Variants in ZC3H13 observed in about 807,000 individuals in gnomAD.
ZC3H13 encodes the protein zinc finger CCCH-type containing 13.
In ZC3H13, 64 loss-of-function variants were observed where a neutral mutation model predicts 204.1. That is an observed-to-expected ratio of 0.31 (90% CI 0.26 to 0.39). The LOEUF (loss-of-function observed/expected upper bound fraction) is 0.39. Among genes scored for constraint, ZC3H13 ranks in the 10% least tolerant of loss-of-function variants. The pLI is 1.00. For missense variants in ZC3H13, 1,833 were observed against 2,082.7 expected, an observed-to-expected ratio of 0.88 and a Z score of 2.33; for synonymous variants, 667 against 693.7, an observed-to-expected ratio of 0.96 and a Z score of 0.60.
intron 8 of ZC3H13, among the ~76,000 whole-genome samples, chr13:46,002,390 A>G (rs2040813412): frequency 2.0e-5 from 3 of 152,190 alleles, no homozygotes; most frequent in African/African-American, 4.8e-5. Flanking sequence ...TAGAATTATC[A>G]TATGACCCAG....
At chr13:46,013,142 G>A (rs1002328493) in intron 5 of ZC3H13, among the ~76,000 whole-genome samples, 1 of 152,160 alleles carries the variant, frequency 6.6e-6, no homozygotes, top group Admixed American at 6.5e-5. Context: ...TCAGCCAGGC[G>A]CAGTGGCTCA....
chr13:45,975,561 G>A lies in ZC3H13; in HGVS notation c.2190C>T (p.Asp730=). 1.3e-6 allele frequency: 2 copies of A among 1,579,694 alleles called. No homozygotes were observed. Among genetic ancestry groups the A allele is most frequent in the Non-Finnish European group, 1.7e-6 (2 of 1,163,688 alleles). The change falls in exon 12 of 19, where the codon GAC becomes GAT. Residue 730 remains aspartate (D), a synonymous_variant. Coordinates refer to ENST00000679008, the MANE Select transcript of ZC3H13 (RefSeq NM_001330564.2). ...TTTCCCGCTCTCGATCGTGGTCTCG[G>A]TCTCTATCCCTTTCACGATCTCTCT... ...EKERDRERDR[D]RDHDRERERE...
chr13:45,969,956 A>G lies in ZC3H13; in HGVS notation c.2588T>C (p.Leu863Pro). Residue 863 changes from leucine (L) to proline (P), a missense_variant, in exon 14 of 19, where the codon CTC becomes CCC. Physicochemically the swap from Leu to Pro is moderately conservative, Grantham distance 98. Around this residue, in one of 5 missense-constraint regions of ZC3H13, gnomAD observed 1,574 missense variants for 1,757.2 expected, o/e 0.90. Coordinates refer to ENST00000679008, the MANE Select transcript of ZC3H13 (RefSeq NM_001330564.2). The part of the protein sequence containing the change: ...SGDDKNEKHR[L>P]LSQVVRPQES... ...TTGAGGTCGTACAACTTGGCTCAAG[A>G]GTCTGTGTTTTTCATCTATATAAAA... The G allele has an allele frequency of 6.2e-7, 1 of 1,608,160 alleles. No individual in the cohort carries two copies. Among genetic ancestry groups the G allele is most frequent in the Non-Finnish European group, 8.5e-7 (1 of 1,178,554 alleles).
chr13:46,015,056 A>G (rs1055169769), intron 5 of ZC3H13, among the ~76,000 whole-genome samples: 2 of 152,172 alleles, frequency 1.3e-5, no homozygotes, highest in African/African-American at 4.8e-5. Context: ...GTATTTTTCT[A>G]TGACATTATT....
intron 12 of ZC3H13, among the ~76,000 whole-genome samples, chr13:45,970,706 A>G (rs146241783): frequency 1.3e-5 from 2 of 152,346 alleles, no homozygotes; most frequent in Non-Finnish European, 2.9e-5. Context: ...TACATGTAGA[A>G]TAACTCAAGT....
In ZC3H13 at chr13:45,975,370, T is replaced by C; in HGVS notation, c.2381A>G (p.Asp794Gly). The change falls in exon 12 of 19, where the codon GAC (aspartate) becomes GGC (glycine). Residue 794 changes from aspartate to glycine, a missense_variant. Around this residue, in one of 5 missense-constraint regions of ZC3H13, gnomAD observed 1,574 missense variants for 1,757.2 expected, o/e 0.90. Transcript: ENST00000679008. ...TTCTCTGCGGTCATCTCGTCCTTTG[T>C]CTTTGTCTTCCCAATCCCTTTGGCG... ...RERQRDWEDK[D>G]KGRDDRREKR... 2 of 1,614,086 alleles carry C rather than the reference T, an allele frequency of 1.2e-6. No homozygotes were observed. The highest frequency in any genetic ancestry group is 1.7e-6 in the Non-Finnish European group (2 of 1,179,998).
At position 45,975,467 on chromosome 13, in the gene ZC3H13, GCTCTCTCTCCCT is replaced by G; in HGVS notation, c.2272_2283del (p.Glu773_Arg776del). The G allele has an allele frequency of 6.2e-7, 1 of 1,607,602 alleles. No individual in the cohort carries two copies. Among genetic ancestry groups the G allele is most frequent in the Non-Finnish European group, 8.5e-7 (1 of 1,177,850 alleles). ...CGCTCTCGCTCTCTCTCCCGTTCTC[GCTCTCTCTCCCT>G]CTCTCTCTCTTCTCTTTCTCGTTCC... On this transcript the variant is annotated inframe_deletion, in exon 12 of 19. Transcript: ENST00000679008.
chr13:45,998,639 A>C (rs765696771), intron 8 of ZC3H13, among the ~76,000 whole-genome samples: 4 of 151,492 alleles, frequency 2.6e-5, no homozygotes, highest in Non-Finnish European at 4.4e-5. Flanking sequence ...ACACAGCGAA[A>C]CTCCGTCTCA....
intron 4 of ZC3H13, among the ~76,000 whole-genome samples, chr13:46,020,992 G>GT (rs1267929205): frequency 1.3e-5 from 2 of 151,984 alleles, no homozygotes; most frequent in African/African-American, 4.8e-5. Flanking sequence ...GGAAGGATTT[G>GT]TAAGTGATTA....
intron 5 of ZC3H13, among the ~76,000 whole-genome samples, chr13:46,016,753 TAAGA>T (rs975478130): frequency 6.6e-6 from 1 of 152,126 alleles, no homozygotes; most frequent in African/African-American, 2.4e-5. Context: ...AAAAACTTTG[TAAGA>T]AAGATTATTC....
chr13:46,002,471 A>G (rs1445289344), intron 8 of ZC3H13, among the ~76,000 whole-genome samples: 1 of 152,230 alleles, frequency 6.6e-6, no homozygotes, highest in African/African-American at 2.4e-5. Context: ...TTACACATTC[A>G]TGCTCATAGC....
intron 8 of ZC3H13, among the ~76,000 whole-genome samples, chr13:45,995,913 G>A (rs953285617): frequency 6.6e-6 from 1 of 152,182 alleles, no homozygotes; most frequent in African/African-American, 2.4e-5. Context: ...AGGTAATTGT[G>A]TTGGAATGAT....
chr13:45,985,886 T>G, intron 9 of ZC3H13, 125 bp from the exon 10 acceptor site: 5 of 849,504 alleles, frequency 5.9e-6, no homozygotes, highest in Non-Finnish European at 8.7e-6. Context: ...TTGCAAAAAA[T>G]AAAGAAGCTA....
At chr13:46,005,956 G>A (rs377184818) in intron 7 of ZC3H13, among the ~76,000 whole-genome samples, 4 of 152,118 alleles carry the variant, frequency 2.6e-5, no homozygotes, top group South Asian at 4.2e-4. Context: ...TTAGCCAGGT[G>A]TGGTGGCGCA....
At chr13:45,986,443 C>T (rs1409116801) in intron 9 of ZC3H13, among the ~76,000 whole-genome samples, 3 of 152,018 alleles carry the variant, frequency 2.0e-5, no homozygotes, top group South Asian at 2.1e-4. Context: ...TTAAAATGAA[C>T]GAACAAAAAA....
At chr13:45,988,689 G>C (rs1011470409) in intron 9 of ZC3H13, 98 bp downstream of exon 9, 5 of 1,348,556 alleles carry the variant, frequency 3.7e-6, no homozygotes, top group African/African-American at 1.5e-5. Context: ...GTGTGTTACA[G>C]AAGACTTAAC....
At chr13:46,038,389 T>G (rs1009067374) in intron 4 of ZC3H13, among the ~76,000 whole-genome samples, 65 of 152,330 alleles carry the variant, frequency 4.3e-4, no homozygotes, top group African/African-American at 1.5e-3. Context: ...CCATTGTGCA[T>G]TTTGCTCGTA....
intron 8 of ZC3H13, among the ~76,000 whole-genome samples, chr13:45,992,254 C>T (rs1475597224): frequency 1.1e-4 from 16 of 152,088 alleles, no homozygotes; most frequent in Admixed American, 9.2e-4. Context: ...TTTTAATTCA[C>T]TCAACAAATA....
At chr13:46,007,968 T>C (rs2041269540) in intron 7 of ZC3H13, among the ~76,000 whole-genome samples, 1 of 152,222 alleles carries the variant, frequency 6.6e-6, no homozygotes, top group African/African-American at 2.4e-5. Flanking sequence ...TTTTAGATTA[T>C]ACCATATCTC....
Sources: gnomAD v4.1 joint callset for allele counts (sites outside exome capture counted in the v4.1 genomes callset) on GRCh38, gnomAD v4.1.1 for gene constraint, gnomAD v4.1.1 regional missense constraint, MANE v1.5 for transcripts, NCBI Gene and HGNC (gene_info 2026-07-23, HGNC 2026-07-21) for gene names.